The following SPTB variants were observed in gnomAD, a reference collection of about 807,000 sequenced individuals.
SPTB encodes spectrin beta chain, erythrocytic.
A neutral mutation model predicts 256.2 loss-of-function variants in SPTB; 45 were observed. The observed-to-expected ratio is 0.18, with a 90% CI of 0.14 to 0.23. SPTB has a LOEUF of 0.23. Among genes scored for constraint, SPTB ranks in the 10% least tolerant of loss-of-function variants. The probability of loss-of-function intolerance (pLI) is 1.00; values close to 1 mark genes in which losing one functional copy is unlikely to be tolerated. For synonymous variants in SPTB, 1,231 were observed against 1,243.1 expected (o/e 0.99, Z 0.21); for missense variants, 2,715 against 3,040.4 (o/e 0.89, Z 2.52).
At chr14:64,840,353 G>A (rs148890202) in intron 1 of SPTB, among the ~76,000 whole-genome samples, 1,817 of 152,320 alleles carry the variant, frequency 0.012, 11 homozygotes, top group Middle Eastern at 0.017. Context: ...TCCTGCTTAT[G>A]AAAGCAAAAG....
intron 7 of SPTB, 71 bp downstream of exon 7, chr14:64,801,214 G>A: frequency 7.3e-7 from 1 of 1,365,198 alleles, no homozygotes; most frequent in Non-Finnish European, 1.0e-6. Flanking sequence ...CCTGGCGGCT[G>A]AGCTCCTCTA....
chr14:64,860,912 T>C (rs1010888741), intron 1 of SPTB, among the ~76,000 whole-genome samples: 1 of 152,134 alleles, frequency 6.6e-6, no homozygotes, highest in Non-Finnish European at 1.5e-5. Context: ...TAAAGACACA[T>C]GCACATGTAT....
chr14:64,864,404 G>A (rs1882033975), intron 1 of SPTB, among the ~76,000 whole-genome samples: 1 of 152,080 alleles, frequency 6.6e-6, no homozygotes, highest in South Asian at 2.1e-4. Flanking sequence ...AGCTATGATT[G>A]CATCACTGTG....
chr14:64,843,237 C>T (rs2083635803), intron 1 of SPTB, among the ~76,000 whole-genome samples: 1 of 152,178 alleles, frequency 6.6e-6, no homozygotes, highest in Non-Finnish European at 1.5e-5. Context: ...ATATTTTGTG[C>T]TTCTCAAGGC....
At chr14:64,801,013 T>C in intron 7 of SPTB, 145 bp from the exon 8 acceptor site, 7 of 743,278 alleles carry the variant, frequency 9.4e-6, no homozygotes, top group South Asian at 3.0e-5. Flanking sequence ...AAGAGTGTGA[T>C]GAAATCCATT....
intron 1 of SPTB, among the ~76,000 whole-genome samples, chr14:64,829,558 A>G (rs1473789008): frequency 1.3e-5 from 2 of 152,190 alleles, no homozygotes; most frequent in African/African-American, 2.4e-5. Context: ...TTGTTTTGCA[A>G]TGCTCAAAAA....
At chr14:64,784,457 T>C in intron 18 of SPTB, 64 bp from the exon 19 acceptor site, 1 of 1,593,014 alleles carries the variant, frequency 6.3e-7, no homozygotes, top group Non-Finnish European at 8.6e-7. Context: ...CAGAACCTGC[T>C]GCCCATCCCT....
In SPTB at chr14:64,795,671, G is replaced by C. The variant is rs749461360; in HGVS notation, c.1342-32C>G. 1.3e-5 allele frequency: 21 copies of C among 1,612,126 alleles called. No homozygotes were observed. The highest frequency in any genetic ancestry group is 1.8e-5 in the Non-Finnish European group (21 of 1,179,362). On this transcript the variant is annotated intron_variant, in intron 11 of 35. Transcript: ENST00000644917. This position sits in a 1 kb window ranked among gnomAD's most constrained non-coding sequence, Gnocchi z 6.5. ...CACCGGGAGAAAAACAGGCAGCTCAGTCAGACACCCAGGGGCTCATCCCCA... is the reference window on the plus strand; with the variant it reads ...CACCGGGAGAAAAACAGGCAGCTCACTCAGACACCCAGGGGCTCATCCCCA...
At position 64,772,570 on chromosome 14, in the gene SPTB, C is replaced by A; in HGVS notation, c.5553+10G>T. ...TTGGTAGCAGGTGGGCGGCAGGGGG[C>A]TGAAGGTACCTGGACACCCAGCAGG... On this transcript the variant is annotated intron_variant, in intron 26 of 35. Coordinates refer to ENST00000644917, the MANE Select transcript of SPTB (RefSeq NM_001355436.2). The surrounding 1 kb of genome is among the most constrained non-coding windows in gnomAD (Gnocchi z 5.4). 6.2e-7 allele frequency: 1 copy of A among 1,603,858 alleles called. No homozygotes were observed. Among genetic ancestry groups the A allele is most frequent in the Non-Finnish European group, 8.5e-7 (1 of 1,179,832 alleles).
chr14:64,858,730 C>T (rs770597240), intron 1 of SPTB, among the ~76,000 whole-genome samples: 4 of 152,276 alleles, frequency 2.6e-5, no homozygotes, highest in Non-Finnish European at 4.4e-5. Context: ...GGGAAGGTGA[C>T]GTCCTGGGCT....
At chr14:64,818,999 G>A (rs2083240976) in intron 2 of SPTB, among the ~76,000 whole-genome samples, 1 of 152,216 alleles carries the variant, frequency 6.6e-6, no homozygotes, top group Admixed American at 6.5e-5. Context: ...CAGGCGGCCA[G>A]CTTAGAGACT....
At chr14:64,751,292 G>A (rs1257088629) in intron 33 of SPTB, among the ~76,000 whole-genome samples, 1 of 151,732 alleles carries the variant, frequency 6.6e-6, no homozygotes, top group South Asian at 2.1e-4. Context: ...GCTAATTTTT[G>A]TATTTTTAGT....
In SPTB at chr14:64,795,261, C is replaced by G; in HGVS notation, c.1644+76G>C. On this transcript the variant is annotated intron_variant, in intron 12 of 35. Transcript: ENST00000644917. The surrounding 1 kb of genome is among the most constrained non-coding windows in gnomAD (Gnocchi z 6.5). ...ACTGGCTGGGAGGTGTCTAAGGAAG[C>G]CTATGCTAACTGCAGGGCCACTGAG... The G allele has an allele frequency of 1.3e-6, 2 of 1,544,244 alleles. No individual in the cohort carries two copies. Among genetic ancestry groups the G allele is most frequent in the Non-Finnish European group, 1.8e-6 (2 of 1,136,438 alleles).
rs572824246 is a variant in SPTB, at chr14:64,818,288, G to A, written c.148+4659C>T. Among the ~76,000 whole-genome samples, 24 of 152,324 alleles carry A rather than the reference G, an allele frequency of 1.6e-4. No individual in the cohort carries two copies. In the South Asian group the frequency reaches 2.5e-3, roughly 16 times the overall value. ...CCACAGGCCCTTCGCAGGAGGCTCC[G>A]GACTGCTCCCTGCACTGCGAGATGC... On this transcript the variant is annotated intron_variant, in intron 2 of 35. Coordinates refer to ENST00000644917, the MANE Select transcript of SPTB (RefSeq NM_001355436.2).
rs990948900 is a variant in SPTB, at chr14:64,764,602, G to A, written c.6345+2124C>T. Among the ~76,000 whole-genome samples, 2 of 152,290 alleles carry A rather than the reference G, an allele frequency of 1.3e-5. No individual in the cohort carries two copies. Among genetic ancestry groups the A allele is most frequent in the South Asian group, 2.1e-4 (1 of 4,824 alleles). On this transcript the variant is annotated intron_variant, in intron 32 of 35. Coordinates refer to ENST00000644917, the MANE Select transcript of SPTB (RefSeq NM_001355436.2). The surrounding 1 kb of genome is among the most constrained non-coding windows in gnomAD (Gnocchi z 4.2). ...TGACATTCAGGTGTTGGCTGGAGGC[G>A]GCTCTGATGCACAAGTAATTACATT...
chr14:64,769,499 G>C, intron 28 of SPTB, 91 bp downstream of exon 28: 10 of 1,530,758 alleles, frequency 6.5e-6, no homozygotes, highest in South Asian at 3.5e-5. Flanking sequence ...CAGAAAAGCT[G>C]CAGCTCTCAT....
At position 64,775,366 on chromosome 14, in the gene SPTB, A is replaced by G. The variant is rs1400842547; in HGVS notation, c.4601T>C (p.Val1534Ala). 1 of 1,612,734 alleles carries G rather than the reference A, an allele frequency of 6.2e-7. No individual in the cohort carries two copies. The highest frequency in any genetic ancestry group is 1.7e-5 in the Admixed American group (1 of 59,968). Reference protein sequence around the residue: ...QNEILGHTPRVEDVLQRGQQL... With the variant: ...QNEILGHTPRAEDVLQRGQQL... The stretch of plus-strand genomic sequence containing the variant: ...CTGCCCTCTCTGCAGCACATCCTCA[A>G]CCCGCGGCGTATGGCCCAGAATCTC... The change falls in exon 23 of 36, where the codon GTT becomes GCT. Residue 1534 changes from valine to alanine, a missense_variant. Val to Ala is a moderately conservative substitution (Grantham distance 64, BLOSUM62 0). This residue lies in a region of SPTB where 2,239 missense variants were observed against 2,384.4 expected (regional missense o/e 0.94). Transcript: ENST00000644917. The surrounding 1 kb of genome is among the most constrained non-coding windows in gnomAD (Gnocchi z 5.0).
intron 2 of SPTB, among the ~76,000 whole-genome samples, chr14:64,811,683 T>C (rs1399835087): frequency 2.0e-5 from 3 of 152,222 alleles, no homozygotes; most frequent in Admixed American, 6.5e-5. Context: ...ATTTAGGTGA[T>C]AATGTAATGA....
rs989103860 is a variant in SPTB, at chr14:64,868,537, G to A, written c.-52+11255C>T. ...GAAGCTGATCTGGGACTGAGGAGGA[G>A]GTCAGACTAGAGATAAAGATTCAGA... On this transcript the variant is annotated intron_variant, in intron 1 of 35. Coordinates refer to ENST00000644917, the MANE Select transcript of SPTB (RefSeq NM_001355436.2). 3.3e-5 allele frequency among the ~76,000 whole-genome samples: 5 copies of A among 152,230 alleles called. No individual in the cohort carries two copies. The East Asian group carries it at 9.6e-4, about 29-fold the overall frequency.
Sources: gnomAD v4.1 joint callset for allele counts (sites outside exome capture counted in the v4.1 genomes callset) on GRCh38, gnomAD v4.1.1 for gene constraint, gnomAD v4.1.1 regional missense constraint, Gnocchi (gnomAD v3.1) non-coding constraint, MANE v1.5 for transcripts, NCBI Gene and HGNC (gene_info 2026-07-23, HGNC 2026-07-21) for gene names.